Variants in SLC25A45 observed in about 807,000 individuals in gnomAD.
The protein encoded by SLC25A45 is solute carrier family 25 member 45.
Under a neutral mutation model 23.0 loss-of-function variants are expected in SLC25A45, and 22 were observed. The ratio of observed to expected loss-of-function variants is 0.95; its 90% CI spans 0.68 to 1.36. The LOEUF is 1.36. Among genes scored for constraint, SLC25A45 ranks in the 40% most tolerant of loss-of-function variants. The probability of loss-of-function intolerance (pLI) is 0.00; values close to 1 mark genes in which losing one functional copy is unlikely to be tolerated. For synonymous variants in SLC25A45, 136 were observed against 155.0 expected (o/e 0.88, Z 0.91); for missense variants, 355 against 383.5 (o/e 0.93, Z 0.62).
chr11:65,378,746 C>T (rs1369661401), intron 5 of SLC25A45: 1 of 152,382 alleles, frequency 6.6e-6, no homozygotes, highest in Admixed American at 6.5e-5. Flanking sequence ...CCGGGCGCAC[C>T]CTCTCCCTGC....
Position 65,376,397 on chromosome 11 carries a change from G to C in SLC25A45, c.*10C>G. 2 of 1,608,130 alleles carry C rather than the reference G, an allele frequency of 1.2e-6. No homozygotes were observed. The highest frequency in any genetic ancestry group is 1.7e-6 in the Non-Finnish European group (2 of 1,174,976). On this transcript the variant is annotated 3_prime_UTR_variant, in exon 7 of 7. Transcript: ENST00000398802. Reference sequence around the variant, plus strand: ...GGCCTGATGGGGAGCTGCTGGCATTGCCGCAGGGCTCATCCCCACCAGCGG... The same window carrying C: ...GGCCTGATGGGGAGCTGCTGGCATTCCCGCAGGGCTCATCCCCACCAGCGG...
chr11:65,380,275 G>C (rs1315590138), intron 2 of SLC25A45, 100 bp from the exon 3 acceptor site: 1 of 1,558,688 alleles, frequency 6.4e-7, no homozygotes, highest in Admixed American at 1.7e-5. Context: ...GGAGGAAGGA[G>C]AGCAGGGCCA....
chr11:65,380,937 C>T (rs1466980990), intron 2 of SLC25A45: 5 of 217,914 alleles, frequency 2.3e-5, no homozygotes. Context: ...CTTTGTAAGC[C>T]CAACAGGGTG....
At chr11:65,377,196 G>C in intron 5 of SLC25A45, 120 bp from the exon 6 acceptor site, 1 of 1,454,848 alleles carries the variant, frequency 6.9e-7, no homozygotes, top group Non-Finnish European at 9.0e-7. Context: ...CAGGAACCCT[G>C]CCGGCACCCA....
chr11:65,377,303 C>T, intron 5 of SLC25A45: 2 of 1,391,598 alleles, frequency 1.4e-6, no homozygotes, highest in Non-Finnish European at 1.9e-6. Context: ...GTGAGAGGCA[C>T]TGCCCCTCAT....
In SLC25A45 at chr11:65,382,015, C is replaced by T; in HGVS notation, c.-18-46G>A. 2.2e-6 allele frequency: 3 copies of T among 1,368,036 alleles called. No individual in the cohort carries two copies. Among genetic ancestry groups the T allele is most frequent in the Non-Finnish European group, 3.1e-6 (3 of 955,638 alleles). The allele number at this position is 1,368,036 out of a possible 1,614,324, so 84.7% of individuals were successfully genotyped here. A position where few individuals can be genotyped will look rare whatever the true frequency, so the allele number is the denominator to read the frequency against. On this transcript the variant is annotated intron_variant, in intron 1 of 6. Transcript: ENST00000398802. This position sits in a 1 kb window ranked among gnomAD's most constrained non-coding sequence, Gnocchi z 4.4. Reference sequence around the variant, plus strand: ...GACAGAGTTGAATTCCCCCCTCTCCCTCCCCTGGCCCACGCTGATAACCTC... The same window carrying T: ...GACAGAGTTGAATTCCCCCCTCTCCTTCCCCTGGCCCACGCTGATAACCTC...
intron 5 of SLC25A45, 30 bp downstream of exon 5, chr11:65,379,345 AC>A: frequency 1.2e-6 from 2 of 1,601,760 alleles, no homozygotes; most frequent in East Asian, 2.2e-5. Context: ...TCCCTATGAC[AC>A]CTGTGTGTGC....
chr11:65,380,074 C>A, intron 3 of SLC25A45, 58 bp downstream of exon 3: 1 of 1,585,834 alleles, frequency 6.3e-7, no homozygotes, highest in Non-Finnish European at 8.7e-7. Flanking sequence ...TCTCAGGGCA[C>A]CCTGACATTT....
intron 2 of SLC25A45, chr11:65,381,602 C>G: frequency 1.8e-5 from 2 of 111,558 alleles, no homozygotes; most frequent in Non-Finnish European, 3.3e-5. Flanking sequence ...GGGTCTCATT[C>G]TGTCACCCAG....
In SLC25A45 at chr11:65,382,256, T is replaced by A. The variant is rs1855611389; in HGVS notation, c.-19+230A>T. Reference sequence around the variant, plus strand: ...GCTCTGAGGATGGCAACTGGGTTCCTGCCCCATGGTCGGGCCCCTCCAGGG... The same window carrying A: ...GCTCTGAGGATGGCAACTGGGTTCCAGCCCCATGGTCGGGCCCCTCCAGGG... On this transcript the variant is annotated intron_variant, in intron 1 of 6. Transcript: ENST00000398802. The surrounding 1 kb of genome is among the most constrained non-coding windows in gnomAD (Gnocchi z 4.4). 2.1e-6 allele frequency: 1 copy of A among 470,996 alleles called. No individual in the cohort carries two copies. The allele number at this position is 470,996 out of a possible 1,614,324, so 29.2% of individuals were successfully genotyped here.
chr11:65,376,694 A>G lies in SLC25A45; in HGVS notation c.599-19T>C. 6.2e-7 allele frequency: 1 copy of G among 1,613,978 alleles called. No homozygotes were observed. Among genetic ancestry groups the G allele is most frequent in the Non-Finnish European group, 8.5e-7 (1 of 1,179,968 alleles). ...GCTGAGCCTGGGGCAGAGAGAGCCC[A>G]GAGCAGGGGTCAGACCCAGAACAGA... On this transcript the variant is annotated intron_variant, in intron 6 of 6. Coordinates refer to ENST00000398802, the MANE Select transcript of SLC25A45 (RefSeq NM_182556.4).
In SLC25A45 at chr11:65,379,490, C is replaced by A. The variant is rs1302727239; in HGVS notation, c.225G>T (p.Gly75=). Reference sequence around the variant, plus strand: ...GCACCAGCAGGGTGTTGCTATAGACCCCAAACAGGACAGAGTTGACCACAG... The same window carrying A: ...GCACCAGCAGGGTGTTGCTATAGACACCAAACAGGACAGAGTTGACCACAG... The part of the protein sequence containing the change: ...SIAVVNSVLF[G]VYSNTLLVLT... The change falls in exon 5 of 7, where the codon GGG becomes GGT. Residue 75 remains glycine (G), a synonymous_variant. Coordinates refer to ENST00000398802, the MANE Select transcript of SLC25A45 (RefSeq NM_182556.4). 6.2e-7 allele frequency: 1 copy of A among 1,613,962 alleles called. No homozygotes were observed. Among genetic ancestry groups the A allele is most frequent in the African/African-American group, 1.3e-5 (1 of 74,912 alleles).
rs150231991 is a variant in SLC25A45 at position 65,381,136 on chromosome 11, CTT to C, written c.37+777_37+778del. On this transcript the variant is annotated intron_variant, in intron 2 of 6. Transcript: ENST00000398802. ...TCTGGGGTGCTCCACGGAACCCAGA[CTT>C]TTTTTTTTTGACACAGGGTCTTGCT... 4 of 148,350 alleles carry C rather than the reference CTT, an allele frequency of 2.7e-5. No homozygotes were observed. The South Asian group carries it at 6.3e-4, about 23-fold the overall frequency. 9.2% of individuals were successfully genotyped at this position (148,350 alleles called of 1,614,324 possible).
At chr11:65,378,643 C>T (rs1396613772) in intron 5 of SLC25A45, 1 of 152,226 alleles carries the variant, frequency 6.6e-6, no homozygotes, top group East Asian at 1.9e-4. Flanking sequence ...TGTCCTTTGT[C>T]CTTGCTCTCT....
rs751158343 is a variant in SLC25A45, at chr11:65,376,391, G to A, written c.*16C>T. 5.4e-5 allele frequency: 86 copies of A among 1,606,976 alleles called. No individual in the cohort carries two copies. The highest frequency in any genetic ancestry group is 7.1e-5 in the Non-Finnish European group (83 of 1,174,178). On this transcript the variant is annotated 3_prime_UTR_variant, in exon 7 of 7. Transcript: ENST00000398802. Reference sequence around the variant, plus strand: ...GCCGTGGGCCTGATGGGGAGCTGCTGGCATTGCCGCAGGGCTCATCCCCAC... The same window carrying A: ...GCCGTGGGCCTGATGGGGAGCTGCTAGCATTGCCGCAGGGCTCATCCCCAC...
At chr11:65,380,451 T>A (rs1418400811) in intron 2 of SLC25A45, 27 of 1,138,826 alleles carry the variant, frequency 2.4e-5, no homozygotes, top group Non-Finnish European at 3.1e-5. Context: ...GCCAAAGACG[T>A]ACGTGTCCTC....
At position 65,380,003 on chromosome 11, in the gene SLC25A45, C is replaced by T. The variant is rs555457733; in HGVS notation, c.82-65G>A. 5.6e-6 allele frequency: 9 copies of T among 1,602,320 alleles called. No individual in the cohort carries two copies. In the African/African-American group the frequency reaches 1.1e-4, roughly 19 times the overall value. The stretch of plus-strand genomic sequence containing the variant: ...CAGGTGGGCCAACCTTTCCCTCTGC[C>T]CCCTCAAGCGGGATGCCAACCAGCA... On this transcript the variant is annotated intron_variant, in intron 3 of 6. Transcript: ENST00000398802.
chr11:65,379,190 C>A, intron 5 of SLC25A45, 186 bp downstream of exon 5: 2 of 649,144 alleles, frequency 3.1e-6, no homozygotes, highest in Non-Finnish European at 5.2e-6. Context: ...CTGCCTTTTG[C>A]CCCCTCTGTT....
intron 3 of SLC25A45, 69 bp downstream of exon 3, chr11:65,380,063 A>C: frequency 6.3e-7 from 1 of 1,586,186 alleles, no homozygotes; most frequent in Non-Finnish European, 8.7e-7. Flanking sequence ...GCCAGGCCTG[A>C]TCTCAGGGCA....
Sources: allele counts gnomAD v4.1 joint callset, GRCh38; gene constraint gnomAD v4.1.1; non-coding constraint Gnocchi (gnomAD v3.1); transcripts MANE v1.5; gene names NCBI Gene and HGNC (gene_info 2026-07-23, HGNC 2026-07-21).